Variants in BORA observed in about 807,000 individuals in gnomAD.
BORA encodes the protein BORA aurora kinase A activator.
BORA carries 26 observed loss-of-function variants against 55.8 expected under a neutral mutation model. The ratio of observed to expected loss-of-function variants is 0.47; its 90% confidence interval spans 0.34 to 0.65. The LOEUF (loss-of-function observed/expected upper bound fraction) is 0.65, where lower values mean the gene tolerates loss of function less well. Among genes scored for constraint, BORA ranks in the 30% least tolerant of loss-of-function variants. The pLI is 0.01. For missense variants in BORA, 568 were observed against 671.5 expected (o/e 0.85, Z 1.70); for synonymous variants, 201 against 216.9 (o/e 0.93, Z 0.64).
intron 4 of BORA, among the ~76,000 whole-genome samples, chr13:72,735,989 T>C (rs1044107608): frequency 3.3e-5 from 5 of 152,134 alleles, no homozygotes; most frequent in Admixed American, 6.5e-5. Context: ...ATTTTTACTT[T>C]TCTGCCCCTC....
chr13:72,749,870 G>A (rs1217028412), intron 10 of BORA, among the ~76,000 whole-genome samples: 1 of 152,040 alleles, frequency 6.6e-6, no homozygotes, highest in African/African-American at 2.4e-5. Context: ...CATTAGCCAG[G>A]CCAGACCTCA....
In BORA at chr13:72,727,953, C is replaced by G; in HGVS notation, c.-70C>G. 1 of 1,550,634 alleles carries G rather than the reference C, an allele frequency of 6.4e-7. No individual in the cohort carries two copies. Among genetic ancestry groups the G allele is most frequent in the Non-Finnish European group, 8.7e-7 (1 of 1,146,996 alleles). On this transcript the variant is annotated 5_prime_UTR_variant, in exon 1 of 12. Coordinates refer to ENST00000390667, the MANE Select transcript of BORA (RefSeq NM_024808.5). ...GTCTATGCCTGTCGTGGAAGCTGGCCTGGCCCCCGGAGCTCCCTGGAGTCG... is the reference window on the plus strand; with the variant it reads ...GTCTATGCCTGTCGTGGAAGCTGGCGTGGCCCCCGGAGCTCCCTGGAGTCG...
At chr13:72,729,731 T>C (rs1313251766) in intron 2 of BORA, among the ~76,000 whole-genome samples, 1 of 152,252 alleles carries the variant, frequency 6.6e-6, no homozygotes, top group Non-Finnish European at 1.5e-5. Context: ...AATTTTCACA[T>C]GTCACAAGAT....
At chr13:72,754,981 T>C in intron 11 of BORA, 170 bp from the exon 12 acceptor site, 1 of 572,820 alleles carries the variant, frequency 1.7e-6, no homozygotes, top group Non-Finnish European at 3.1e-6. Flanking sequence ...CTCAAAGTGT[T>C]GGGATGCTTT....
chr13:72,748,700 C>T (rs2033200877), intron 10 of BORA, among the ~76,000 whole-genome samples: 2 of 151,138 alleles, frequency 1.3e-5, no homozygotes, highest in African/African-American at 4.9e-5. Flanking sequence ...GCATTGTTTG[C>T]TGCTTTTACT....
At chr13:72,751,148 T>C (rs557897106) in intron 10 of BORA, among the ~76,000 whole-genome samples, 1 of 152,292 alleles carries the variant, frequency 6.6e-6, no homozygotes, top group South Asian at 2.1e-4. Context: ...AAACAGTGCC[T>C]GAACACTGTT....
intron 5 of BORA, 27 bp downstream of exon 5, chr13:72,738,070 A>C: frequency 6.6e-7 from 1 of 1,517,054 alleles, no homozygotes; most frequent in Non-Finnish European, 9.0e-7. Context: ...TGATATGAAT[A>C]AAAATCAAAA....
intron 5 of BORA, among the ~76,000 whole-genome samples, chr13:72,740,630 AAT>A: frequency 6.6e-6 from 1 of 152,162 alleles, no homozygotes; most frequent in African/African-American, 2.4e-5. Context: ...TTCAATAATA[AAT>A]ACTTAAGCCT....
intron 4 of BORA, among the ~76,000 whole-genome samples, chr13:72,736,007 CT>C (rs1324469277): frequency 1.3e-5 from 2 of 152,026 alleles, no homozygotes; most frequent in Non-Finnish European, 2.9e-5. Flanking sequence ...CTCTAGCCCC[CT>C]CAACCCTCCT....
intron 2 of BORA, among the ~76,000 whole-genome samples, chr13:72,729,687 C>G (rs1256926766): frequency 6.6e-6 from 1 of 152,210 alleles, no homozygotes; most frequent in Non-Finnish European, 1.5e-5. Flanking sequence ...TGTTCCAATA[C>G]AGCTTTATTT....
Position 72,731,272 on chromosome 13 carries a change from TTTG to T in BORA, c.154-6_154-4del, listed in dbSNP as rs1274901101. On this transcript the variant is annotated splice_region_variant and splice_polypyrimidine_tract_variant and intron_variant, in intron 2 of 11. Coordinates refer to ENST00000390667, the MANE Select transcript of BORA (RefSeq NM_024808.5). Reference sequence around the variant, plus strand: ...GCCTTTACTCATAAGCTCACTTTCTTTTGTTAAGACTCCAGGGAAATTTAGATG... The same window carrying T: ...GCCTTTACTCATAAGCTCACTTTCTTTTAAGACTCCAGGGAAATTTAGATG... 1 of 1,576,350 alleles carries T rather than the reference TTTG, an allele frequency of 6.3e-7. No individual in the cohort carries two copies. The highest frequency in any genetic ancestry group is 1.4e-5 in the African/African-American group (1 of 73,670).
In BORA at chr13:72,753,832, A is replaced by T. The variant is rs1015789965; in HGVS notation, c.1614+11A>T. The T allele has an allele frequency of 1.2e-6, 2 of 1,604,466 alleles. No individual in the cohort carries two copies. The highest frequency in any genetic ancestry group is 3.3e-4 in the Middle Eastern group (2 of 6,042). Reference sequence around the variant, plus strand: ...GCATTTAATATGAAGGTACGGAGAAAATATAGTGAAAGCTTAATATTGTTT... The same window carrying T: ...GCATTTAATATGAAGGTACGGAGAATATATAGTGAAAGCTTAATATTGTTT... On this transcript the variant is annotated intron_variant, in intron 11 of 11. Transcript: ENST00000390667.
intron 2 of BORA, among the ~76,000 whole-genome samples, chr13:72,730,774 C>G (rs2032794338): frequency 6.6e-6 from 1 of 151,532 alleles, no homozygotes. Context: ...AAAAGAGATA[C>G]AGGCTGGGCG....
intron 11 of BORA, chr13:72,754,769 G>A (rs2033399699): frequency 1.2e-5 from 2 of 162,762 alleles, no homozygotes; most frequent in African/African-American, 2.4e-5. Context: ...AGGCTAGAGT[G>A]TAGTGGCACG....
At chr13:72,737,905 A>G in intron 4 of BORA, 57 bp from the exon 5 acceptor site, 2 of 1,126,712 alleles carry the variant, frequency 1.8e-6, no homozygotes, top group South Asian at 1.5e-5. Flanking sequence ...AAACACAGGT[A>G]CCGTCTCACA....
rs766335774 is a variant in BORA, at chr13:72,746,624, C to T, written c.995C>T (p.Pro332Leu). 2 of 1,614,122 alleles carry T rather than the reference C, an allele frequency of 1.2e-6. No homozygotes were observed. Among genetic ancestry groups the T allele is most frequent in the Admixed American group, 3.3e-5 (2 of 60,010 alleles). Reference protein sequence around the residue: ...DGCSPIKNWSPMRLQMYSGGT... With the variant: ...DGCSPIKNWSLMRLQMYSGGT... ...TGCTCGCCAATTAAAAATTGGTCTC[C>T]TATGAGACTTCAGATGTATAGTGGT... Residue 332 changes from proline (P) to leucine (L), a missense_variant, in exon 10 of 12, where the codon CCT (proline) becomes CTT (leucine). Pro to Leu is a moderately conservative substitution (Grantham distance 98). Coordinates refer to ENST00000390667, the MANE Select transcript of BORA (RefSeq NM_024808.5).
chr13:72,742,940 C>T (rs1189497472), intron 5 of BORA, among the ~76,000 whole-genome samples: 1 of 152,018 alleles, frequency 6.6e-6, no homozygotes, highest in Non-Finnish European at 1.5e-5. Context: ...AATGATTTCA[C>T]TTATATGTAG....
Position 72,731,391 on chromosome 13 carries a change from A to C in BORA, c.260+4A>C. 6.3e-7 allele frequency: 1 copy of C among 1,587,638 alleles called. No homozygotes were observed. The highest frequency in any genetic ancestry group is 8.6e-7 in the Non-Finnish European group (1 of 1,157,992). ...CTTTATACTTAAGTCATTCTCGGTA[A>C]GTTTTCCTTTCTTGCACCTAAGTCT... On this transcript the variant is annotated splice_donor_region_variant and intron_variant, in intron 3 of 11. Coordinates refer to ENST00000390667, the MANE Select transcript of BORA (RefSeq NM_024808.5).
intron 8 of BORA, 90 bp downstream of exon 8, chr13:72,745,297 C>G: frequency 9.0e-7 from 1 of 1,108,030 alleles, no homozygotes; most frequent in East Asian, 2.5e-5. Context: ...TTTCAGCAGC[C>G]TGAAGCCATG....
Sources: allele counts gnomAD v4.1 joint callset (sites outside exome capture counted in the v4.1 genomes callset), GRCh38; gene constraint gnomAD v4.1.1; transcripts MANE v1.5; gene names NCBI Gene and HGNC (gene_info 2026-07-23, HGNC 2026-07-21).